The following CFAP299 variants were observed in gnomAD, a reference collection of about 807,000 sequenced individuals.
CFAP299 encodes cilia and flagella associated protein 299, also known as cilia- and flagella-associated protein 299.
In CFAP299, 21 loss-of-function variants were observed where a neutral mutation model predicts 27.0. The observed-to-expected ratio is 0.78, with a 90% CI of 0.55 to 1.12. The LOEUF is 1.12. Ranked by LOEUF, CFAP299 falls within the 50% of genes most tolerant of loss-of-function variation. CFAP299 has a pLI of 0.00. For synonymous variants in CFAP299, 104 were observed against 98.1 expected (o/e 1.06, Z -0.36); for missense variants, 310 against 276.6 (o/e 1.12, Z -0.86).
At chr4:80,439,004 T>A (rs1177850703) in intron 2 of CFAP299, among the ~76,000 whole-genome samples, 1 of 152,238 alleles carries the variant, frequency 6.6e-6, no homozygotes, top group African/African-American at 2.4e-5. Context: ...GCTATCTATT[T>A]TTGTATATAA....
chr4:80,751,731 C>T (rs1724937696), intron 3 of CFAP299, among the ~76,000 whole-genome samples: 1 of 152,158 alleles, frequency 6.6e-6, no homozygotes, highest in Non-Finnish European at 1.5e-5. Context: ...ACTGTGGCCC[C>T]CTCCCCCACC....
intron 1 of CFAP299, among the ~76,000 whole-genome samples, chr4:80,354,235 A>G (rs1003778512): frequency 6.6e-6 from 1 of 152,204 alleles, no homozygotes; most frequent in African/African-American, 2.4e-5. Context: ...TTTTCATTTC[A>G]GAGGAAGGCA....
chr4:80,752,391 AATATATATATTTATATATATATATACAC>A (rs1449670888), intron 3 of CFAP299, among the ~76,000 whole-genome samples: 5 of 146,652 alleles, frequency 3.4e-5, no homozygotes, highest in Non-Finnish European at 3.0e-5. Context: ...TTGTACTCTA[AATATATATATTTATATATATATATACAC>A]ATATATATAA....
chr4:80,408,818 A>G (rs1209164592), intron 2 of CFAP299, among the ~76,000 whole-genome samples: 1 of 79,394 alleles, frequency 1.3e-5, no homozygotes, highest in Non-Finnish European at 2.8e-5. Flanking sequence ...TTTTAGAACA[A>G]AAACATAACT....
chr4:80,904,084 T>A (rs1264925717), intron 4 of CFAP299, among the ~76,000 whole-genome samples: 3 of 152,212 alleles, frequency 2.0e-5, no homozygotes, highest in African/African-American at 4.8e-5. Context: ...AATTAGCTGA[T>A]TATCTAAGGA....
chr4:80,701,246 A>G (rs532964244), intron 3 of CFAP299, among the ~76,000 whole-genome samples: 1 of 152,176 alleles, frequency 6.6e-6, no homozygotes, highest in South Asian at 2.1e-4. Context: ...TGGGTTAGAA[A>G]GGAAGATATT....
At chr4:80,457,241 C>A in intron 2 of CFAP299, among the ~76,000 whole-genome samples, 1 of 152,136 alleles carries the variant, frequency 6.6e-6, no homozygotes, top group East Asian at 1.9e-4. Context: ...ACAAAAAAAT[C>A]ATATGGGAAG....
rs556693097 is a variant in CFAP299, at chr4:80,470,454, G to A, written c.242+107570G>A. 4.0e-5 allele frequency among the ~76,000 whole-genome samples: 5 copies of A among 123,576 alleles called. No individual in the cohort carries two copies. In the South Asian group the frequency reaches 8.3e-4, roughly 21 times the overall value. 81.1% of individuals were successfully genotyped at this position (123,576 alleles called of 152,430 possible). On this transcript the variant is annotated intron_variant, in intron 2 of 5. Coordinates refer to ENST00000358105, the MANE Select transcript of CFAP299 (RefSeq NM_152770.3). ...AATTCATGTTGTCATTACAAACATGGTATCATTTTATGTATTACCTTACCT... is the reference window on the plus strand; with the variant it reads ...AATTCATGTTGTCATTACAAACATGATATCATTTTATGTATTACCTTACCT...
upstream of CFAP299, among the ~76,000 whole-genome samples, chr4:80,331,441 G>T (rs979828726): frequency 3.9e-5 from 6 of 152,208 alleles, no homozygotes; most frequent in African/African-American, 9.7e-5. Flanking sequence ...GAGGCCAGAA[G>T]AGTATAGGGA....
At chr4:80,362,607 TA>T in intron 1 of CFAP299, 146 bp from the exon 2 acceptor site, 1 of 817,776 alleles carries the variant, frequency 1.2e-6, no homozygotes, top group Non-Finnish European at 1.8e-6. Flanking sequence ...TTTTTATATC[TA>T]ATAGATCATG....
At chr4:80,464,232 A>G (rs7672761) in intron 2 of CFAP299, among the ~76,000 whole-genome samples, 16,802 of 152,180 alleles carry the variant, frequency 0.11, 1,178 homozygotes, top group African/African-American at 0.2. Context: ...TGCTTGCTGC[A>G]ATATTTACTT....
intron 3 of CFAP299, among the ~76,000 whole-genome samples, chr4:80,662,214 T>C (rs913913696): frequency 2.0e-5 from 3 of 152,098 alleles, no homozygotes; most frequent in African/African-American, 7.2e-5. Flanking sequence ...CTTCCCCTTT[T>C]GAAAATCACT....
rs531147357 is a variant in CFAP299 at position 80,883,325 on chromosome 4, C to T, written c.476+13190C>T. Among the ~76,000 whole-genome samples, 132 of 151,784 alleles carry T rather than the reference C, an allele frequency of 8.7e-4. 2 individuals carry two copies. Among genetic ancestry groups the T allele is most frequent in the Non-Finnish European group, 1.2e-3 (82 of 67,922 alleles). ...TATAAAGAGAAGGAATCAAAGCATA[C>T]CACTATAAAAATCATGAAATCATAA... On this transcript the variant is annotated intron_variant, in intron 4 of 5. Transcript: ENST00000358105.
At chr4:80,667,869 CT>C (rs959232362) in intron 3 of CFAP299, among the ~76,000 whole-genome samples, 1 of 151,964 alleles carries the variant, frequency 6.6e-6, no homozygotes, top group Non-Finnish European at 1.5e-5. Flanking sequence ...TATGGAAATT[CT>C]TTTTTTAATT....
At chr4:80,520,324 T>A (rs934834077) in intron 2 of CFAP299, among the ~76,000 whole-genome samples, 1 of 152,206 alleles carries the variant, frequency 6.6e-6, no homozygotes, top group African/African-American at 2.4e-5. Context: ...AGGTGGGGTA[T>A]ACCCATTAGC....
At chr4:80,796,222 A>T (rs1233618006) in intron 3 of CFAP299, among the ~76,000 whole-genome samples, 1 of 152,174 alleles carries the variant, frequency 6.6e-6, no homozygotes, top group African/African-American at 2.4e-5. Flanking sequence ...TCTTCACCTT[A>T]GAAGGAATAT....
At chr4:80,372,802 G>A (rs566782871) in intron 2 of CFAP299, among the ~76,000 whole-genome samples, 1 of 152,142 alleles carries the variant, frequency 6.6e-6, no homozygotes, top group African/African-American at 2.4e-5. Context: ...GAGGACAGGA[G>A]AATAAACATA....
chr4:80,770,340 A>T (rs752362375), intron 3 of CFAP299, among the ~76,000 whole-genome samples: 18 of 152,146 alleles, frequency 1.2e-4, no homozygotes, highest in Admixed American at 5.9e-4. Context: ...AAATAGCCTA[A>T]ATACTCTGGC....
intron 3 of CFAP299, among the ~76,000 whole-genome samples, chr4:80,804,685 T>G (rs974023253): frequency 2.0e-5 from 3 of 152,172 alleles, no homozygotes. Context: ...GATATTTGTA[T>G]AGCTACCCTC....
Sources: gnomAD v4.1 joint callset for allele counts (sites outside exome capture counted in the v4.1 genomes callset) on GRCh38, gnomAD v4.1.1 for gene constraint, MANE v1.5 for transcripts, NCBI Gene and HGNC (gene_info 2026-07-23, HGNC 2026-07-21) for gene names.